Variants in FREM3 observed in about 807,000 individuals in gnomAD.
FREM3 encodes FRAS1 related extracellular matrix 3.
In FREM3, 105 loss-of-function variants were observed where a neutral mutation model predicts 129.1. That is an observed-to-expected ratio of 0.81 (90% confidence interval 0.69 to 0.96). The LOEUF (loss-of-function observed/expected upper bound fraction) is 0.96, where lower values mean the gene tolerates loss of function less well. FREM3 is among the 40% of genes least tolerant of loss of function. The pLI is 0.00. For synonymous variants in FREM3, 1,014 were observed against 1,044.9 expected (o/e 0.97, Z 0.57); for missense variants, 2,593 against 2,666.3 (o/e 0.97, Z 0.61).
intron 5 of FREM3, among the ~76,000 whole-genome samples, chr4:143,612,195 G>A (rs1056657159): frequency 2.0e-4 from 30 of 152,226 alleles, no homozygotes; most frequent in East Asian, 5.8e-4. Flanking sequence ...ATCATAAAAC[G>A]TTTTTATCCA....
At chr4:143,669,508 G>A (rs1238384337) in intron 2 of FREM3, among the ~76,000 whole-genome samples, 1 of 151,414 alleles carries the variant, frequency 6.6e-6, no homozygotes, top group Admixed American at 6.6e-5. Context: ...GGCTGGTCTC[G>A]AACTCTTGGC....
At chr4:143,580,302 T>G (rs1353407984) in intron 7 of FREM3, among the ~76,000 whole-genome samples, 1 of 151,628 alleles carries the variant, frequency 6.6e-6, no homozygotes, top group East Asian at 1.9e-4. Flanking sequence ...GCTGCCCACC[T>G]AGGACTGGGG....
At chr4:143,586,860 G>A (rs1738252215) in intron 6 of FREM3, among the ~76,000 whole-genome samples, 1 of 152,120 alleles carries the variant, frequency 6.6e-6, no homozygotes, top group African/African-American at 2.4e-5. Flanking sequence ...TGTGACATCT[G>A]GAGGCAAAAA....
At chr4:143,673,138 G>A (rs11726447) in intron 2 of FREM3, among the ~76,000 whole-genome samples, 36,989 of 152,226 alleles carry the variant, frequency 0.24, 5,622 homozygotes, top group South Asian at 0.33. Flanking sequence ...CTGGTGAGGA[G>A]CTGCATTCCT....
chr4:143,579,469 A>G (rs905926834), intron 7 of FREM3, among the ~76,000 whole-genome samples: 19 of 152,196 alleles, frequency 1.2e-4, no homozygotes, highest in African/African-American at 4.1e-4. Flanking sequence ...AAAAACAAAA[A>G]CAAGGTTATA....
chr4:143,644,177 ATGTGTGTGTG>A (rs10578943), intron 2 of FREM3, among the ~76,000 whole-genome samples: 1 of 149,228 alleles, frequency 6.7e-6, no homozygotes, highest in South Asian at 2.1e-4. Flanking sequence ...TGCTCTGCAT[ATGTGTGTGTG>A]TGTGTGTGTG....
chr4:143,675,284 A>T (rs1424179588), intron 2 of FREM3, among the ~76,000 whole-genome samples: 1 of 152,206 alleles, frequency 6.6e-6, no homozygotes, highest in Non-Finnish European at 1.5e-5. Context: ...CTGCTCCTGA[A>T]TGACTACTGG....
intron 2 of FREM3, among the ~76,000 whole-genome samples, chr4:143,643,226 A>C (rs1473282962): frequency 6.6e-6 from 1 of 152,168 alleles, no homozygotes; most frequent in Non-Finnish European, 1.5e-5. Context: ...CAGAAAATTA[A>C]AAATAGAACT....
chr4:143,681,610 A>G, intron 2 of FREM3, among the ~76,000 whole-genome samples: 1 of 152,184 alleles, frequency 6.6e-6, no homozygotes, highest in Non-Finnish European at 1.5e-5. Context: ...CGGATTACTC[A>G]AAAACTGCAG....
chr4:143,653,417 C>T (rs529295159), intron 2 of FREM3, among the ~76,000 whole-genome samples: 6 of 152,174 alleles, frequency 3.9e-5, no homozygotes, highest in Admixed American at 3.3e-4. Context: ...CCGGCAGTTC[C>T]GTGTCATGTG....
intron 2 of FREM3, among the ~76,000 whole-genome samples, chr4:143,682,310 A>G (rs913027898): frequency 2.6e-5 from 4 of 152,190 alleles, no homozygotes; most frequent in Non-Finnish European, 5.9e-5. Context: ...CCCAGCAGAC[A>G]GGAGATTGGC....
chr4:143,616,966 A>T (rs1560845990), intron 5 of FREM3, among the ~76,000 whole-genome samples: 1 of 152,118 alleles, frequency 6.6e-6, no homozygotes, highest in African/African-American at 2.4e-5. Context: ...AACGTATTTG[A>T]CTTGGGCCTG....
chr4:143,587,600 T>A (rs774626373), intron 6 of FREM3, among the ~76,000 whole-genome samples: 55 of 152,314 alleles, frequency 3.6e-4, no homozygotes, highest in Non-Finnish European at 7.1e-4. Context: ...TGCTAATGGG[T>A]GTTTCTGATG....
At chr4:143,611,651 C>T (rs1361800971) in intron 5 of FREM3, 124 bp from the exon 6 acceptor site, 3 of 806,694 alleles carry the variant, frequency 3.7e-6, no homozygotes, top group South Asian at 3.7e-5. Flanking sequence ...ACACTTACCT[C>T]TTATGCTCAC....
intron 6 of FREM3, among the ~76,000 whole-genome samples, chr4:143,605,202 A>G (rs935219167): frequency 1.3e-5 from 2 of 151,958 alleles, no homozygotes; most frequent in African/African-American, 4.8e-5. Context: ...CTTCCTTTTT[A>G]TATTTAATAT....
chr4:143,621,326 G>C (rs1738948132), intron 4 of FREM3, among the ~76,000 whole-genome samples, 164 bp from the exon 5 acceptor site: 1 of 152,148 alleles, frequency 6.6e-6, no homozygotes, highest in Non-Finnish European at 1.5e-5. Context: ...TTATTGAGTG[G>C]AGCTGGAGAG....
intron 2 of FREM3, among the ~76,000 whole-genome samples, chr4:143,654,397 C>T (rs1386937372): frequency 6.6e-6 from 1 of 152,156 alleles, no homozygotes; most frequent in Non-Finnish European, 1.5e-5. Context: ...AACCAGCATG[C>T]CAGGCCCAAA....
intron 2 of FREM3, among the ~76,000 whole-genome samples, chr4:143,664,136 A>G (rs891000670): frequency 6.6e-6 from 1 of 152,118 alleles, no homozygotes; most frequent in African/African-American, 2.4e-5. Flanking sequence ...GAGGAACTGC[A>G]TTCCTTTGGA....
At chr4:143,633,792 T>A (rs1421744320) in intron 2 of FREM3, among the ~76,000 whole-genome samples, 1 of 152,152 alleles carries the variant, frequency 6.6e-6, no homozygotes, top group Non-Finnish European at 1.5e-5. Flanking sequence ...TACTTTGAAG[T>A]CAAACCGTAC....
Sources: allele counts gnomAD v4.1 joint callset (sites outside exome capture counted in the v4.1 genomes callset), GRCh38; gene constraint gnomAD v4.1.1; transcripts MANE v1.5; gene names NCBI Gene and HGNC (gene_info 2026-07-23, HGNC 2026-07-21).